COL23A1: variants seen among roughly 807,000 people sequenced by gnomAD.
COL23A1 encodes the protein collagen alpha-1(XXIII) chain.
A neutral mutation model predicts 99.3 loss-of-function variants in COL23A1; 97 were observed. The observed-to-expected ratio is 0.98, with a 90% confidence interval of 0.83 to 1.16. The LOEUF is 1.16. COL23A1 is among the 50% of genes most tolerant of loss of function. COL23A1 has a pLI of 0.00. For missense variants in COL23A1, 762 were observed against 757.4 expected (o/e 1.01, Z -0.07); for synonymous variants, 320 against 308.2 (o/e 1.04, Z -0.40).
rs1346975064 is a variant in COL23A1, at chr5:178,468,636, A to G, written c.361+92046T>C. Among the ~76,000 whole-genome samples the G allele has an allele frequency of 6.6e-6, 1 of 152,106 alleles. No individual in the cohort carries two copies. Among genetic ancestry groups the G allele is most frequent in the Non-Finnish European group, 1.5e-5 (1 of 68,016 alleles). On this transcript the variant is annotated intron_variant, in intron 2 of 28. Transcript: ENST00000390654. The surrounding 1 kb of genome is among the most constrained non-coding windows in gnomAD (Gnocchi z 4.2). ...AGTCCCCCCAGGCAGCCTGGAGGGA[A>G]GGGCCGGGTCCGAGGTCACGGAGCC...
intron 7 of COL23A1, among the ~76,000 whole-genome samples, chr5:178,268,488 G>A (rs776682236): frequency 3.3e-5 from 5 of 152,170 alleles, no homozygotes; most frequent in Admixed American, 6.5e-5. Context: ...TCCGAGTTTG[G>A]TTATGCTTTG....
chr5:178,288,798 G>GC (rs1757299256), intron 4 of COL23A1, among the ~76,000 whole-genome samples: 1 of 152,088 alleles, frequency 6.6e-6, no homozygotes, highest in South Asian at 2.1e-4. Flanking sequence ...AGGAATATCG[G>GC]GGGGCGTTCA....
chr5:178,397,309 C>T lies in COL23A1; in HGVS notation c.362-90390G>A, dbSNP rs181944963. Among the ~76,000 whole-genome samples, 27 of 152,352 alleles carry T rather than the reference C, an allele frequency of 1.8e-4. No individual in the cohort carries two copies. The East Asian group carries it at 3.9e-3, about 22-fold the overall frequency. On this transcript the variant is annotated intron_variant, in intron 2 of 28. Transcript: ENST00000390654. ...CGGCAGGGATGCTGCGTTAGCAAGACGCAAGGAGGGGGCGCTCCGGCAGGC... is the reference window on the plus strand; with the variant it reads ...CGGCAGGGATGCTGCGTTAGCAAGATGCAAGGAGGGGGCGCTCCGGCAGGC...
intron 2 of COL23A1, among the ~76,000 whole-genome samples, chr5:178,367,401 T>G (rs1213739756): frequency 6.6e-6 from 1 of 152,156 alleles, no homozygotes; most frequent in Non-Finnish European, 1.5e-5. Flanking sequence ...CCATGGAAGG[T>G]GGAGTGATCT....
Position 178,412,757 on chromosome 5 carries a change from C to T in COL23A1, c.362-105838G>A, listed in dbSNP as rs562417161. Among the ~76,000 whole-genome samples the T allele has an allele frequency of 6.6e-5, 10 of 152,228 alleles. No homozygotes were observed. The South Asian group carries it at 8.3e-4, about 13-fold the overall frequency. The stretch of plus-strand genomic sequence containing the variant: ...CTATAATTTTAAATTTTCAGTGTCT[C>T]AATATATTTCATTGATTTTGGTGCT... On this transcript the variant is annotated intron_variant, in intron 2 of 28. Transcript: ENST00000390654.
At chr5:178,352,158 G>C (rs1235834879) in intron 2 of COL23A1, 1 of 152,338 alleles carries the variant, frequency 6.6e-6, no homozygotes, top group Middle Eastern at 3.4e-3. Context: ...CTGTGAGGGG[G>C]GCATCGTCCT....
chr5:178,493,300 C>CCCTGCT (rs1343619617), intron 2 of COL23A1, among the ~76,000 whole-genome samples: 6 of 152,230 alleles, frequency 3.9e-5, no homozygotes, highest in Non-Finnish European at 1.5e-5. Flanking sequence ...CCACACTGAA[C>CCCTGCT]CCTGCTCCAC....
At chr5:178,266,050 T>G (rs1190608224) in intron 8 of COL23A1, among the ~76,000 whole-genome samples, 2 of 151,258 alleles carry the variant, frequency 1.3e-5, no homozygotes, top group Non-Finnish European at 1.5e-5. Flanking sequence ...CTTTTTAAAT[T>G]TTTTTTTTTG....
chr5:178,442,347 T>A (rs1472367812), intron 2 of COL23A1, among the ~76,000 whole-genome samples: 1 of 152,112 alleles, frequency 6.6e-6, no homozygotes, highest in Non-Finnish European at 1.5e-5. Context: ...GTTTGCAAAT[T>A]GAGATGGGAA....
chr5:178,263,158 T>G, intron 9 of COL23A1, 50 bp downstream of exon 9: 1 of 1,315,246 alleles, frequency 7.6e-7, no homozygotes, highest in Non-Finnish European at 1.1e-6. Flanking sequence ...GAATCAGGAT[T>G]TGGGGTTTTG....
chr5:178,404,146 C>T lies in COL23A1; in HGVS notation c.362-97227G>A, dbSNP rs193086207. On this transcript the variant is annotated intron_variant, in intron 2 of 28. Coordinates refer to ENST00000390654, the MANE Select transcript of COL23A1 (RefSeq NM_173465.4). ...CGGAAGACGGCAGCCATTCGCGGAGCGCCTACTGTGTGCAGGCAGCATCTG... is the reference window on the plus strand; with the variant it reads ...CGGAAGACGGCAGCCATTCGCGGAGTGCCTACTGTGTGCAGGCAGCATCTG... Among the ~76,000 whole-genome samples the T allele has an allele frequency of 1.1e-4, 16 of 152,342 alleles. 1 individual carries two copies. The highest frequency in any genetic ancestry group is 2.6e-4 in the African/African-American group (11 of 41,584).
At chr5:178,261,973 G>A (rs537659650) in intron 10 of COL23A1, among the ~76,000 whole-genome samples, 96 of 152,346 alleles carry the variant, frequency 6.3e-4, no homozygotes, top group Admixed American at 2.5e-3. Context: ...CGCAGCCTCC[G>A]CACAGGAATG....
chr5:178,425,247 A>T (rs1765848887), intron 2 of COL23A1, among the ~76,000 whole-genome samples: 1 of 151,960 alleles, frequency 6.6e-6, no homozygotes, highest in Non-Finnish European at 1.5e-5. Context: ...ACATGGGGAA[A>T]CCCGGTCTCT....
intron 2 of COL23A1, among the ~76,000 whole-genome samples, chr5:178,323,128 C>T (rs1451075943): frequency 6.6e-6 from 1 of 151,960 alleles, no homozygotes; most frequent in African/African-American, 2.4e-5. Flanking sequence ...GCAGAAGGGG[C>T]TCCTGAGCCT....
chr5:178,273,215 C>T lies in COL23A1; in HGVS notation c.442-2852G>A, dbSNP rs1756394326. On this transcript the variant is annotated intron_variant, in intron 5 of 28. Transcript: ENST00000390654. ...CCCGTGGAAGGGAGCCCAGGCTGTCCCCTTGGCCTCAACCCCAGAGGGAGC... is the reference window on the plus strand; with the variant it reads ...CCCGTGGAAGGGAGCCCAGGCTGTCTCCTTGGCCTCAACCCCAGAGGGAGC... 2.6e-5 allele frequency among the ~76,000 whole-genome samples: 4 copies of T among 152,342 alleles called. No homozygotes were observed. In the South Asian group the frequency reaches 8.3e-4, roughly 32 times the overall value.
intron 2 of COL23A1, among the ~76,000 whole-genome samples, chr5:178,512,974 C>A (rs1377538497): frequency 6.6e-6 from 1 of 152,170 alleles, no homozygotes; most frequent in Non-Finnish European, 1.5e-5. Flanking sequence ...TGTGTGCCCA[C>A]CACTCCACAC....
chr5:178,572,706 C>T (rs775207633), intron 1 of COL23A1, among the ~76,000 whole-genome samples: 4 of 152,152 alleles, frequency 2.6e-5, no homozygotes, highest in Non-Finnish European at 4.4e-5. Context: ...AGAATAAATC[C>T]GTACAGGGAC....
At chr5:178,300,832 G>A (rs1231947991) in intron 3 of COL23A1, among the ~76,000 whole-genome samples, 1 of 152,096 alleles carries the variant, frequency 6.6e-6, no homozygotes, top group Non-Finnish European at 1.5e-5. Flanking sequence ...CCAAAGTGCT[G>A]GGATTACAGG....
At chr5:178,264,155 C>T (rs190492164) in intron 8 of COL23A1, among the ~76,000 whole-genome samples, 7 of 152,058 alleles carry the variant, frequency 4.6e-5, no homozygotes, top group Admixed American at 1.3e-4. Context: ...AACACACAAA[C>T]GAGTGTGTGT....
Sources: allele counts gnomAD v4.1 joint callset (sites outside exome capture counted in the v4.1 genomes callset), GRCh38; gene constraint gnomAD v4.1.1; non-coding constraint Gnocchi (gnomAD v3.1); transcripts MANE v1.5; gene names NCBI Gene and HGNC (gene_info 2026-07-23, HGNC 2026-07-21).